The following IGSF10 variants were observed in gnomAD, a reference collection of about 807,000 sequenced individuals.
IGSF10 encodes the protein immunoglobulin superfamily member 10.
IGSF10 carries 126 observed loss-of-function variants against 128.2 expected under a neutral mutation model. The observed-to-expected ratio is 0.98, with a 90% confidence interval of 0.85 to 1.14. The LOEUF (loss-of-function observed/expected upper bound fraction) is 1.14, where lower values mean the gene tolerates loss of function less well. Ranked by LOEUF, IGSF10 falls within the 50% of genes most tolerant of loss-of-function variation. IGSF10 has a pLI of 0.00. For missense variants in IGSF10, 3,295 were observed against 3,149.8 expected (o/e 1.05, Z -1.10); for synonymous variants, 1,185 against 1,146.2 (o/e 1.03, Z -0.68).
chr3:151,460,222 G>T, intron 2 of IGSF10, 39 bp downstream of exon 2: 1 of 580,364 alleles, frequency 1.7e-6, no homozygotes, highest in Non-Finnish European at 2.2e-6. Context: ...ACAAACGTAA[G>T]GCTGAAAATG....
the IGSF10 span, among the ~76,000 whole-genome samples, chr3:151,578,844 T>C: frequency 6.6e-6 from 1 of 152,206 alleles, no homozygotes; most frequent in Non-Finnish European, 1.5e-5. Flanking sequence ...AGTTTACTAC[T>C]GCTGGTCAAG....
In IGSF10 at chr3:151,448,586, C is replaced by T. The variant is rs773745556; in HGVS notation, c.1395G>A (p.Met465Ile). The change falls in exon 6 of 8, where the codon ATG becomes ATA. Residue 465 changes from methionine to isoleucine, a missense_variant. Coordinates refer to ENST00000282466, the MANE Select transcript of IGSF10 (RefSeq NM_178822.5). Reference sequence around the variant, plus strand: ...TAGTCCATTTGTGTTTCACTGGCCTCATCTCTGCTCTTGGTAAAGTGATTT... The same window carrying T: ...TAGTCCATTTGTGTTTCACTGGCCTTATCTCTGCTCTTGGTAAAGTGATTT... Reference protein sequence around the residue: ...DAQITLPRAEMRPVKHKWTMI... With the variant: ...DAQITLPRAEIRPVKHKWTMI... The T allele has an allele frequency of 1.9e-6, 3 of 1,613,934 alleles. No individual in the cohort carries two copies. Among genetic ancestry groups the T allele is most frequent in the East Asian group, 2.2e-5 (1 of 44,900 alleles).
chr3:151,432,773 T>C, downstream of IGSF10: 2 of 1,613,080 alleles, frequency 1.2e-6, no homozygotes, highest in Non-Finnish European at 1.7e-6. Context: ...CAGCAAGGAG[T>C]GACTCCGTAT....
At chr3:151,604,332 A>T in the IGSF10 span, among the ~76,000 whole-genome samples, 1 of 152,146 alleles carries the variant, frequency 6.6e-6, no homozygotes, top group Non-Finnish European at 1.5e-5. Flanking sequence ...ATCCTATGGT[A>T]AAATGAACAT....
rs763254204 is a variant in IGSF10 at position 151,448,250 on chromosome 3, C to T, written c.1731G>A (p.Gln577=). 6.2e-7 allele frequency: 1 copy of T among 1,614,170 alleles called. No homozygotes were observed. The highest frequency in any genetic ancestry group is 8.5e-7 in the Non-Finnish European group (1 of 1,180,018). Residue 577 remains glutamine (Q), a synonymous_variant, in exon 6 of 8, where the codon CAG becomes CAA. Coordinates refer to ENST00000282466, the MANE Select transcript of IGSF10 (RefSeq NM_178822.5). ...TVVEPLVEAY[Q]ENGIHHTVFI... is the part of the protein sequence containing the mutation. ...AAACTGTGTGATGAATCCCATTTTC[C>T]TGATAGGCTTCGACCAAAGGTTCTA...
the IGSF10 span, among the ~76,000 whole-genome samples, chr3:151,581,490 A>G: frequency 1.3e-5 from 2 of 152,300 alleles, no homozygotes; most frequent in Middle Eastern, 6.8e-3. Context: ...AACAAAAATG[A>G]GATTACTGAA....
Position 151,442,977 on chromosome 3 carries a change from G to C in IGSF10, c.5963+7C>G. On this transcript the variant is annotated splice_region_variant and intron_variant, in intron 7 of 7. Coordinates refer to ENST00000282466, the MANE Select transcript of IGSF10 (RefSeq NM_178822.5). ...CAGATAATTCCAACCCAAAGGTATA[G>C]ACTTACCTATGCTGCTGGTCGACCA... is the stretch of plus-strand genomic sequence containing the variant. 6.2e-7 allele frequency: 1 copy of C among 1,610,874 alleles called. No homozygotes were observed. The highest frequency in any genetic ancestry group is 8.5e-7 in the Non-Finnish European group (1 of 1,178,322).
chr3:151,571,697 T>C, the IGSF10 span, among the ~76,000 whole-genome samples: 2 of 152,220 alleles, frequency 1.3e-5, no homozygotes, highest in African/African-American at 2.4e-5. Flanking sequence ...CTTTTCCTAA[T>C]TGAATATGCT....
At chr3:151,434,509 A>C (rs529787300), downstream of IGSF10, 1 of 72,604 alleles carries the variant, frequency 1.4e-5, no homozygotes, top group East Asian at 4.6e-4. Flanking sequence ...TTAATAGTCT[A>C]TCTGCTTTCA....
At chr3:151,523,023 A>G in the IGSF10 span, among the ~76,000 whole-genome samples, 1 of 152,102 alleles carries the variant, frequency 6.6e-6, no homozygotes, top group African/African-American at 2.4e-5. Context: ...TATACCAACA[A>G]CAGCCAAATT....
At chr3:151,591,563 A>C in the IGSF10 span, among the ~76,000 whole-genome samples, 1 of 151,726 alleles carries the variant, frequency 6.6e-6, no homozygotes, top group Non-Finnish European at 1.5e-5. Context: ...GGGAATCATA[A>C]ATAGAAATTA....
chr3:151,596,518 G>A, the IGSF10 span, among the ~76,000 whole-genome samples: 1 of 152,082 alleles, frequency 6.6e-6, no homozygotes, highest in Non-Finnish European at 1.5e-5. Context: ...TGTTTTCTAT[G>A]CATGTTCTTA....
chr3:151,615,621 G>A, the IGSF10 span, among the ~76,000 whole-genome samples: 2 of 152,186 alleles, frequency 1.3e-5, no homozygotes, highest in African/African-American at 2.4e-5. Context: ...TTTTAAGTAC[G>A]CTCTTTATGG....
At chr3:151,484,352 G>A in the IGSF10 span, among the ~76,000 whole-genome samples, 403 of 152,306 alleles carry the variant, frequency 2.6e-3, 2 homozygotes, top group African/African-American at 7.2e-3. Flanking sequence ...AGCACATGGC[G>A]GGAGGGGCAG....
At chr3:151,572,253 TTC>T in the IGSF10 span, among the ~76,000 whole-genome samples, 1 of 152,168 alleles carries the variant, frequency 6.6e-6, no homozygotes, top group Non-Finnish European at 1.5e-5. Flanking sequence ...TTAGGGAGGA[TTC>T]TCTCTTTTTC....
intron 7 of IGSF10, among the ~76,000 whole-genome samples, chr3:151,440,004 A>G (rs999227424): frequency 2.6e-5 from 4 of 152,090 alleles, no homozygotes; most frequent in African/African-American, 9.7e-5. Flanking sequence ...AACAGCCTCA[A>G]GTCATTTCTC....
Position 151,458,637 on chromosome 3 carries a change from CA to C in IGSF10, c.72del (p.Gly26AlafsTer23). 6.2e-7 allele frequency: 1 copy of C among 1,614,180 alleles called. No homozygotes were observed. The highest frequency in any genetic ancestry group is 8.5e-7 in the Non-Finnish European group (1 of 1,180,024). Reference sequence around the variant, plus strand: ...CAGCGGCGAGGACAGGCCTTGCCCCCAGGGGTGGCGACCAGGCAGATCACAG... The same window carrying C: ...CAGCGGCGAGGACAGGCCTTGCCCCCGGGGTGGCGACCAGGCAGATCACAG... ...SFAVICLVAT[P>X]GGKACPRRCA... On this transcript the variant is annotated frameshift_variant, in exon 3 of 8. Coordinates refer to ENST00000282466, the MANE Select transcript of IGSF10 (RefSeq NM_178822.5). LOFTEE classifies it high-confidence loss of function.
rs377141789 is a variant in IGSF10 at position 151,446,156 on chromosome 3, G to C, written c.3825C>G (p.Thr1275=). The change falls in exon 6 of 8, where the codon ACC becomes ACG. Residue 1275 remains threonine (T), a synonymous_variant. Coordinates refer to ENST00000282466, the MANE Select transcript of IGSF10 (RefSeq NM_178822.5). ...NTLTTAHHTT[T]KTHNPGSLPT... ...GAAGACTTCCAGGATTGTGTGTTTT[G>C]GTCGTAGTGTGGTGAGCGGTAGTCA... 6.2e-7 allele frequency: 1 copy of C among 1,614,024 alleles called. No individual in the cohort carries two copies. The highest frequency in any genetic ancestry group is 8.5e-7 in the Non-Finnish European group (1 of 1,180,036).
At chr3:151,472,304 G>T in the IGSF10 span, among the ~76,000 whole-genome samples, 1 of 152,130 alleles carries the variant, frequency 6.6e-6, no homozygotes, top group African/African-American at 2.4e-5. Context: ...ATGTTTTCTG[G>T]TTGGATAGAG....
Sources: gnomAD v4.1 joint callset for allele counts (sites outside exome capture counted in the v4.1 genomes callset) on GRCh38, gnomAD v4.1.1 for gene constraint, MANE v1.5 for transcripts, NCBI Gene and HGNC (gene_info 2026-07-23, HGNC 2026-07-21) for gene names.